Variants in SYT14 observed in about 807,000 individuals in gnomAD.
SYT14 encodes synaptotagmin-14.
A neutral mutation model predicts 74.2 loss-of-function variants in SYT14; 32 were observed. The ratio of observed to expected loss-of-function variants is 0.43; its 90% confidence interval spans 0.33 to 0.58. The LOEUF is 0.58. Ranked by LOEUF, SYT14 falls within the 20% of genes least tolerant of loss-of-function variation. The pLI is 0.05. For missense variants in SYT14, 791 were observed against 981.8 expected (o/e 0.81, Z 2.60); for synonymous variants, 298 against 337.7 (o/e 0.88, Z 1.29).
At chr1:209,959,117 C>T (rs2079036947) in intron 2 of SYT14, among the ~76,000 whole-genome samples, 1 of 152,092 alleles carries the variant, frequency 6.6e-6, no homozygotes, top group Admixed American at 6.6e-5. Context: ...TGAATATTCA[C>T]AGCAAGATTA....
At chr1:210,009,984 C>G (rs910971990) in intron 2 of SYT14, among the ~76,000 whole-genome samples, 2 of 152,044 alleles carry the variant, frequency 1.3e-5, no homozygotes, top group African/African-American at 4.8e-5. Flanking sequence ...TCTTTCTTAT[C>G]CTCTAAATTT....
chr1:210,164,089 C>A (rs1303166027), exon 10 of SYT14: 8 of 452,578 alleles, frequency 1.8e-5, no homozygotes, highest in Non-Finnish European at 3.5e-5. Flanking sequence ...GCCCAGTAAA[C>A]AAAATGTATG....
chr1:209,945,265 A>G (rs1274894749), intron 1 of SYT14, among the ~76,000 whole-genome samples: 2 of 152,206 alleles, frequency 1.3e-5, no homozygotes, highest in East Asian at 3.9e-4. Context: ...AGTAACAAGC[A>G]CAGGTTTGCA....
At chr1:210,159,371 T>C in intron 8 of SYT14, 50 bp from the exon 8 acceptor site, 1 of 1,522,778 alleles carries the variant, frequency 6.6e-7, no homozygotes, top group Non-Finnish European at 8.9e-7. Context: ...CACCCAACGA[T>C]TGACATCTGG....
chr1:210,100,031 C>A lies in SYT14; in HGVS notation c.1604C>A (p.Ser535Ter). ...TCTTAGGATATGTCAGCTCAAGGAT[C>A]ATCTTCGCAGCTTCCTAAACCTTTT... The change falls in exon 7 of 10, where the codon TCA becomes TAA. Residue 535 changes from serine (S) to a stop codon, truncating the protein, a stop_gained. Transcript: ENST00000637265. LOFTEE classifies it high-confidence loss of function. 2 of 1,613,980 alleles carry A rather than the reference C, an allele frequency of 1.2e-6. No homozygotes were observed. The highest frequency in any genetic ancestry group is 1.1e-5 in the South Asian group (1 of 91,066).
intron 2 of SYT14, among the ~76,000 whole-genome samples, chr1:209,963,827 G>T (rs2079113062): frequency 6.6e-6 from 1 of 152,128 alleles, no homozygotes; most frequent in Admixed American, 6.5e-5. Flanking sequence ...GTAAAATATG[G>T]GCTTCTTTAA....
intron 1 of SYT14, among the ~76,000 whole-genome samples, chr1:209,941,558 CAT>C (rs536097167): frequency 1.1e-3 from 164 of 152,278 alleles, no homozygotes; most frequent in African/African-American, 3.8e-3. Flanking sequence ...CTCTTGATTA[CAT>C]ATTTCTCAGT....
At position 210,053,973 on chromosome 1, in the gene SYT14, A is replaced by G. The variant is rs542734635; in HGVS notation, c.1312+32719A>G. 3.3e-5 allele frequency among the ~76,000 whole-genome samples: 5 copies of G among 152,234 alleles called. No individual in the cohort carries two copies. The South Asian group carries it at 8.3e-4, about 25-fold the overall frequency. On this transcript the variant is annotated intron_variant, in intron 5 of 9. Coordinates refer to ENST00000637265, the Ensembl canonical transcript of SYT14. ...CTTTATTCTAACTTGTAATTGATTAATGGTTTGGCCAGGTATAGAATGTCA... is the reference window on the plus strand; with the variant it reads ...CTTTATTCTAACTTGTAATTGATTAGTGGTTTGGCCAGGTATAGAATGTCA...
chr1:210,021,435 A>C lies in SYT14; in HGVS notation c.1312+181A>C, dbSNP rs184410262. 1.4e-3 allele frequency among the ~76,000 whole-genome samples: 216 copies of C among 152,354 alleles called. 2 individuals are homozygous for C. Among genetic ancestry groups the C allele is most frequent in the Non-Finnish European group, 3.7e-4 (25 of 68,024 alleles). ...TGGGCTCAGGCCAAAAATCAAAACC[A>C]ATACCAAAACACCCCAAAGCAAAAA... On this transcript the variant is annotated intron_variant, in intron 5 of 9. Transcript: ENST00000637265.
At chr1:210,094,462 A>G (rs1572287813) in exon 6 of SYT14, 1 of 1,614,050 alleles carries the variant, frequency 6.2e-7, no homozygotes, top group Non-Finnish European at 8.5e-7. Flanking sequence ...TTCCCACTGC[A>G]GCAACAGTCC....
intron 7 of SYT14, among the ~76,000 whole-genome samples, chr1:210,102,817 G>A (rs2082091750): frequency 6.6e-6 from 1 of 151,866 alleles, no homozygotes; most frequent in Non-Finnish European, 1.5e-5. Flanking sequence ...GAATAGCTAG[G>A]ACTACAGGTG....
At chr1:210,059,449 TATAGAGAG>T (rs1202283490) in intron 5 of SYT14, among the ~76,000 whole-genome samples, 251 of 89,700 alleles carry the variant, frequency 2.8e-3, no homozygotes, top group South Asian at 0.015. Flanking sequence ...TATATATATA[TATAGAGAG>T]AGAGAGAGAG....
chr1:210,001,400 G>A (rs189931486), intron 2 of SYT14, among the ~76,000 whole-genome samples: 1 of 151,662 alleles, frequency 6.6e-6, no homozygotes, highest in East Asian at 1.9e-4. Flanking sequence ...TACATAGTGG[G>A]GATAAATCTA....
intron 2 of SYT14, among the ~76,000 whole-genome samples, chr1:209,954,861 A>G (rs1264660309): frequency 6.6e-6 from 1 of 152,026 alleles, no homozygotes; most frequent in African/African-American, 2.4e-5. Flanking sequence ...GCATGCCACC[A>G]TGCCCGGCTA....
intron 5 of SYT14, among the ~76,000 whole-genome samples, chr1:210,053,289 G>A (rs1280462233): frequency 6.6e-6 from 1 of 152,210 alleles, no homozygotes; most frequent in Non-Finnish European, 1.5e-5. Flanking sequence ...TTTAAGAGAA[G>A]ATTAACGTCT....
intron 7 of SYT14, among the ~76,000 whole-genome samples, chr1:210,116,419 A>G (rs1055049835): frequency 3.9e-5 from 6 of 151,990 alleles, no homozygotes; most frequent in South Asian, 2.1e-4. Context: ...GCTCACTGCA[A>G]CCTCCACTTC....
At chr1:209,975,756 T>G (rs2079350033) in intron 2 of SYT14, among the ~76,000 whole-genome samples, 1 of 152,180 alleles carries the variant, frequency 6.6e-6, no homozygotes, top group South Asian at 2.1e-4. Context: ...TTTCTATTGA[T>G]TGGAATAGTT....
exon 3 of SYT14, chr1:210,013,762 A>G: frequency 6.2e-7 from 1 of 1,612,958 alleles, no homozygotes; most frequent in Non-Finnish European, 8.5e-7. Flanking sequence ...CTTGGTTCAG[A>G]ATACAGTACA....
chr1:209,979,850 A>G (rs955482958), intron 2 of SYT14, among the ~76,000 whole-genome samples: 6 of 152,188 alleles, frequency 3.9e-5, no homozygotes, highest in African/African-American at 9.6e-5. Context: ...TATCCAGTCC[A>G]TCACTGATGG....
Sources: allele counts gnomAD v4.1 joint callset (sites outside exome capture counted in the v4.1 genomes callset), GRCh38; gene constraint gnomAD v4.1.1; transcripts MANE v1.5; gene names NCBI Gene and HGNC (gene_info 2026-07-23, HGNC 2026-07-21).